Variants in SOCS5 observed in about 807,000 individuals in gnomAD.
The protein encoded by SOCS5 is CIS-6.
A neutral mutation model predicts 42.8 loss-of-function variants in SOCS5; 32 were observed. The observed-to-expected ratio is 0.75, with a 90% CI of 0.56 to 1.01. The LOEUF (loss-of-function observed/expected upper bound fraction) is 1.01, where lower values mean the gene tolerates loss of function less well. SOCS5 is among the 50% of genes least tolerant of loss of function. The pLI is 0.00. For missense variants in SOCS5, 627 were observed against 653.0 expected (o/e 0.96, Z 0.43); for synonymous variants, 283 against 229.6 (o/e 1.23, Z -2.10).
intron 1 of SOCS5, among the ~76,000 whole-genome samples, chr2:46,701,315 A>G (rs762112837): frequency 1.3e-5 from 2 of 152,232 alleles, no homozygotes; most frequent in Non-Finnish European, 2.9e-5. Context: ...GTGAAGTAGT[A>G]GTAATAGCTA....
At chr2:46,734,140 T>C (rs1160737996) in intron 1 of SOCS5, among the ~76,000 whole-genome samples, 2 of 152,250 alleles carry the variant, frequency 1.3e-5, no homozygotes, top group Non-Finnish European at 2.9e-5. Flanking sequence ...CTGATACTTC[T>C]GTGGAGCAAT....
intron 1 of SOCS5, among the ~76,000 whole-genome samples, chr2:46,710,895 A>G (rs1238695312): frequency 1.3e-5 from 2 of 152,152 alleles, no homozygotes; most frequent in Non-Finnish European, 2.9e-5. Context: ...TATTTCACTG[A>G]AGATTAACTT....
In SOCS5 at chr2:46,759,061, A is replaced by G. The variant is rs577577930; in HGVS notation, c.531A>G (p.Leu177=). 8.7e-6 allele frequency: 14 copies of G among 1,614,012 alleles called. No homozygotes were observed. The African/African-American group carries it at 1.9e-4, about 22-fold the overall frequency. Residue 177 remains leucine (L), a synonymous_variant, in exon 2 of 2, where the codon CTA becomes CTG. Coordinates refer to ENST00000394861, the MANE Select transcript of SOCS5 (RefSeq NM_144949.3). ...GCAGAACTGTAGGAAGTCGCTCTCT[A>G]AGACAGAGGTTGCAGGATACTGTGG... is the stretch of plus-strand genomic sequence containing the variant. ...VSSRTVGSRS[L]RQRLQDTVGL... is the part of the protein sequence containing the mutation.
intron 1 of SOCS5, among the ~76,000 whole-genome samples, chr2:46,707,341 A>T (rs1275979217): frequency 6.6e-6 from 1 of 152,186 alleles, no homozygotes; most frequent in African/African-American, 2.4e-5. Context: ...AAATAAGCTA[A>T]TTGAGAGTTG....
intron 1 of SOCS5, among the ~76,000 whole-genome samples, chr2:46,747,945 T>A (rs564651762): frequency 1.3e-3 from 199 of 152,320 alleles, no homozygotes; most frequent in Middle Eastern, 3.4e-3. Flanking sequence ...AACTAAAGAT[T>A]TCTTGATTGT....
At chr2:46,746,117 T>G (rs1450039181) in intron 1 of SOCS5, among the ~76,000 whole-genome samples, 5 of 147,328 alleles carry the variant, frequency 3.4e-5, no homozygotes, top group African/African-American at 1.0e-4. Context: ...CAGAAGGGAG[T>G]GAGGGTGGAG....
At chr2:46,731,022 C>T (rs755202944) in intron 1 of SOCS5, among the ~76,000 whole-genome samples, 1 of 152,132 alleles carries the variant, frequency 6.6e-6, no homozygotes, top group Non-Finnish European at 1.5e-5. Context: ...TTTTTATATT[C>T]GATTTTAAGT....
At chr2:46,744,283 C>G (rs139792866) in intron 1 of SOCS5, among the ~76,000 whole-genome samples, 94 of 152,282 alleles carry the variant, frequency 6.2e-4, no homozygotes, top group African/African-American at 2.1e-3. Flanking sequence ...AGCCACCACA[C>G]CCAGCCCTTT....
intron 1 of SOCS5, among the ~76,000 whole-genome samples, chr2:46,700,459 A>G (rs1298373737): frequency 6.6e-6 from 1 of 152,196 alleles, no homozygotes; most frequent in Non-Finnish European, 1.5e-5. Context: ...GGATTGTGCT[A>G]TTATGTACTA....
chr2:46,757,792 G>C (rs1045774136), intron 1 of SOCS5, among the ~76,000 whole-genome samples: 1 of 152,118 alleles, frequency 6.6e-6, no homozygotes, highest in Non-Finnish European at 1.5e-5. Context: ...TTTGAACCTG[G>C]GATGTGGAGG....
At chr2:46,726,614 G>C (rs1331237128) in intron 1 of SOCS5, among the ~76,000 whole-genome samples, 1 of 151,522 alleles carries the variant, frequency 6.6e-6, no homozygotes, top group Non-Finnish European at 1.5e-5. Context: ...TTTTCTCTTT[G>C]TTGTTCAGAC....
intron 1 of SOCS5, among the ~76,000 whole-genome samples, chr2:46,756,244 G>C (rs1322259906): frequency 6.6e-6 from 1 of 152,188 alleles, no homozygotes; most frequent in Non-Finnish European, 1.5e-5. Context: ...TATAAACACG[G>C]AGAAGAGAGT....
chr2:46,733,421 A>G (rs1380940019), intron 1 of SOCS5, among the ~76,000 whole-genome samples: 1 of 152,104 alleles, frequency 6.6e-6, no homozygotes, highest in East Asian at 1.9e-4. Context: ...ATAATAAAGA[A>G]TAACTAGTTG....
chr2:46,755,203 A>G (rs980126024), intron 1 of SOCS5, among the ~76,000 whole-genome samples: 1 of 152,182 alleles, frequency 6.6e-6, no homozygotes, highest in African/African-American at 2.4e-5. Flanking sequence ...TAACAATATA[A>G]CATAATTAGG....
chr2:46,723,242 C>A (rs1315966649), intron 1 of SOCS5, among the ~76,000 whole-genome samples: 1 of 152,016 alleles, frequency 6.6e-6, no homozygotes, highest in African/African-American at 2.4e-5. Flanking sequence ...CACTCCATGT[C>A]CCAATGATTT....
At chr2:46,727,770 C>G (rs892102592) in intron 1 of SOCS5, among the ~76,000 whole-genome samples, 3 of 152,144 alleles carry the variant, frequency 2.0e-5, no homozygotes, top group African/African-American at 7.2e-5. Flanking sequence ...TTATAATCAA[C>G]TTTATGGATT....
intron 1 of SOCS5, among the ~76,000 whole-genome samples, chr2:46,721,107 C>T (rs1292728830): frequency 6.6e-6 from 1 of 152,166 alleles, no homozygotes; most frequent in African/African-American, 2.4e-5. Flanking sequence ...AGAGCATTTT[C>T]ATGGCAGAGC....
chr2:46,722,932 A>G (rs1020917483), intron 1 of SOCS5, among the ~76,000 whole-genome samples: 4 of 151,984 alleles, frequency 2.6e-5, no homozygotes, highest in African/African-American at 9.7e-5. Context: ...ATTTTTATGT[A>G]CTCAGTTGCC....
At chr2:46,740,715 C>G (rs1673354111) in intron 1 of SOCS5, among the ~76,000 whole-genome samples, 1 of 151,878 alleles carries the variant, frequency 6.6e-6, no homozygotes, top group African/African-American at 2.4e-5. Flanking sequence ...AACCAGAGTT[C>G]TAGAATGAGG....
Sources: gnomAD v4.1 joint callset for allele counts (sites outside exome capture counted in the v4.1 genomes callset) on GRCh38, gnomAD v4.1.1 for gene constraint, MANE v1.5 for transcripts, NCBI Gene and HGNC (gene_info 2026-07-23, HGNC 2026-07-21) for gene names.